ASIC2: variants seen among roughly 807,000 people sequenced by gnomAD.
ASIC2 encodes the protein acid-sensing ion channel 2.
In ASIC2, 25 loss-of-function variants were observed where a neutral mutation model predicts 57.3. The ratio of observed to expected loss-of-function variants is 0.44; its 90% CI spans 0.32 to 0.61. The LOEUF (loss-of-function observed/expected upper bound fraction) is 0.61, where lower values mean the gene tolerates loss of function less well. Among genes scored for constraint, ASIC2 ranks in the 20% least tolerant of loss-of-function variants. The probability of loss-of-function intolerance (pLI) is 0.06; values close to 1 mark genes in which losing one functional copy is unlikely to be tolerated. For missense variants in ASIC2, 641 were observed against 738.1 expected, an observed-to-expected ratio of 0.87 and a Z score of 1.52; for synonymous variants, 319 against 307.5, an observed-to-expected ratio of 1.04 and a Z score of -0.39.
chr17:33,319,466 T>G (rs968580810), intron 1 of ASIC2, among the ~76,000 whole-genome samples: 3 of 152,216 alleles, frequency 2.0e-5, no homozygotes, highest in Non-Finnish European at 2.9e-5. Context: ...CCTGTGTTCA[T>G]GTGGGATTCA....
chr17:33,021,772 G>T (rs187108789), intron 6 of ASIC2, among the ~76,000 whole-genome samples: 42 of 152,346 alleles, frequency 2.8e-4, no homozygotes, highest in African/African-American at 8.7e-4. Flanking sequence ...CTCCTGTTGG[G>T]AGGCCCTGCT....
chr17:33,045,646 G>C (rs113741884), intron 3 of ASIC2, among the ~76,000 whole-genome samples: 1 of 152,110 alleles, frequency 6.6e-6, no homozygotes, highest in East Asian at 1.9e-4. Flanking sequence ...GTCATGGCGG[G>C]GGCCACCATC....
intron 1 of ASIC2, among the ~76,000 whole-genome samples, chr17:33,654,567 G>C (rs539446416): frequency 6.6e-6 from 1 of 152,320 alleles, no homozygotes; most frequent in African/African-American, 2.4e-5. Context: ...GATAGGCCTG[G>C]GAGGCAAAGG....
chr17:33,706,076 T>G (rs1003517898), intron 1 of ASIC2, among the ~76,000 whole-genome samples: 1 of 152,050 alleles, frequency 6.6e-6, no homozygotes, highest in Non-Finnish European at 1.5e-5. Context: ...TACATATATA[T>G]GCACATGTAT....
intron 1 of ASIC2, among the ~76,000 whole-genome samples, chr17:33,339,134 G>T (rs1907634219): frequency 6.6e-6 from 1 of 152,158 alleles, no homozygotes; most frequent in East Asian, 1.9e-4. Flanking sequence ...TAAAGCCTTT[G>T]CAGGGGGCAA....
intron 1 of ASIC2, among the ~76,000 whole-genome samples, chr17:33,654,121 G>A (rs1230875696): frequency 6.6e-6 from 1 of 152,128 alleles, no homozygotes; most frequent in Non-Finnish European, 1.5e-5. Flanking sequence ...GTCTCATAGA[G>A]GTACTGTAAT....
At chr17:33,525,258 A>G (rs1171533670) in intron 1 of ASIC2, among the ~76,000 whole-genome samples, 2 of 152,108 alleles carry the variant, frequency 1.3e-5, no homozygotes, top group East Asian at 3.9e-4. Context: ...GGTCTTTCTG[A>G]GTAGGGCGGA....
intron 1 of ASIC2, among the ~76,000 whole-genome samples, chr17:34,064,935 T>A (rs1225953809): frequency 6.6e-6 from 1 of 152,218 alleles, no homozygotes; most frequent in Non-Finnish European, 1.5e-5. Context: ...CTAGTGGGAA[T>A]GTAAACTAGT....
At chr17:33,481,110 GCA>G (rs1289827604) in intron 1 of ASIC2, among the ~76,000 whole-genome samples, 1 of 152,140 alleles carries the variant, frequency 6.6e-6, no homozygotes, top group Non-Finnish European at 1.5e-5. Flanking sequence ...TGCCCATCTT[GCA>G]CAATTCATTG....
chr17:33,030,870 A>G (rs989413549), intron 3 of ASIC2, among the ~76,000 whole-genome samples: 1 of 152,186 alleles, frequency 6.6e-6, no homozygotes, highest in African/African-American at 2.4e-5. Flanking sequence ...CCACTTAGTC[A>G]TAATTTATTA....
At chr17:33,360,534 A>C (rs754685637) in intron 1 of ASIC2, among the ~76,000 whole-genome samples, 5 of 152,170 alleles carry the variant, frequency 3.3e-5, no homozygotes, top group Admixed American at 6.5e-5. Context: ...TGGATAAAAG[A>C]TCCTAAGCTC....
In ASIC2 at chr17:33,734,757, C is replaced by A. The variant is rs147482134; in HGVS notation, c.555+421221G>T. ...TTTCTCTGTGCACACAGAGAAAAGA[C>A]CATTTGAGGGCACAGTGAAGAACTG... is the stretch of plus-strand genomic sequence containing the variant. On this transcript the variant is annotated intron_variant, in intron 1 of 9. Coordinates refer to the ASIC2 transcript ENST00000359872. Among the ~76,000 whole-genome samples, 5 of 152,200 alleles carry A rather than the reference C, an allele frequency of 3.3e-5. No individual in the cohort carries two copies. In the East Asian group the frequency reaches 9.7e-4, roughly 30 times the overall value.
At chr17:33,300,503 A>G (rs1213490006) in intron 1 of ASIC2, among the ~76,000 whole-genome samples, 2 of 152,228 alleles carry the variant, frequency 1.3e-5, no homozygotes, top group African/African-American at 4.8e-5. Context: ...CCTTTGCTAG[A>G]TACCCTAATG....
intron 1 of ASIC2, among the ~76,000 whole-genome samples, chr17:33,439,036 G>A (rs1408456541): frequency 6.6e-6 from 1 of 152,078 alleles, no homozygotes; most frequent in Admixed American, 6.6e-5. Flanking sequence ...TAGAGAAGAG[G>A]TCTCGCTATG....
chr17:34,096,025 C>T (rs765966094), intron 1 of ASIC2, among the ~76,000 whole-genome samples: 2 of 152,098 alleles, frequency 1.3e-5, no homozygotes, highest in Non-Finnish European at 2.9e-5. Flanking sequence ...ATTGAAAATA[C>T]AGAATTCTAA....
At chr17:33,866,809 T>G (rs1215939812) in intron 1 of ASIC2, among the ~76,000 whole-genome samples, 2 of 152,192 alleles carry the variant, frequency 1.3e-5, no homozygotes. Flanking sequence ...CAAAATCTCC[T>G]CCAGGGCCTA....
intron 1 of ASIC2, among the ~76,000 whole-genome samples, chr17:33,244,724 C>T (rs941222663): frequency 5.3e-5 from 8 of 152,324 alleles, no homozygotes; most frequent in African/African-American, 1.4e-4. Context: ...CTTGTGCTTT[C>T]AACACACAGC....
intron 1 of ASIC2, among the ~76,000 whole-genome samples, chr17:33,171,563 C>G (rs1240646680): frequency 6.6e-6 from 1 of 152,334 alleles, no homozygotes; most frequent in Middle Eastern, 3.4e-3. Flanking sequence ...TGTCTGTTAT[C>G]CATTACTCAA....
intron 1 of ASIC2, among the ~76,000 whole-genome samples, chr17:33,478,375 C>G (rs1488296845): frequency 6.6e-6 from 1 of 152,202 alleles, no homozygotes; most frequent in Non-Finnish European, 1.5e-5. Flanking sequence ...ACATCAAACA[C>G]GAACTACCGT....
Sources: allele counts gnomAD v4.1 joint callset (sites outside exome capture counted in the v4.1 genomes callset), GRCh38; gene constraint gnomAD v4.1.1; transcripts MANE v1.5; gene names NCBI Gene and HGNC (gene_info 2026-07-23, HGNC 2026-07-21).